CNTNAP2: variants seen among roughly 807,000 people sequenced by gnomAD.
The protein encoded by CNTNAP2 is contactin-associated protein-like 2.
CNTNAP2 carries 98 observed loss-of-function variants against 155.2 expected under a neutral mutation model. That is an observed-to-expected ratio of 0.63 (90% CI 0.54 to 0.75). The LOEUF is 0.75. Among genes scored for constraint, CNTNAP2 ranks in the 30% least tolerant of loss-of-function variants. CNTNAP2 has a pLI of 0.00. For synonymous variants in CNTNAP2, 651 were observed against 631.2 expected, an observed-to-expected ratio of 1.03 and a Z score of -0.47; for missense variants, 1,727 against 1,688.1, an observed-to-expected ratio of 1.02 and a Z score of -0.40.
At chr7:146,410,968 A>AT in intron 1 of CNTNAP2, among the ~76,000 whole-genome samples, 1 of 152,288 alleles carries the variant, frequency 6.6e-6, no homozygotes, top group East Asian at 1.9e-4. Context: ...GCTGAAGACT[A>AT]TTCCATGGTA....
chr7:148,312,910 A>G (rs1195374669), intron 21 of CNTNAP2, among the ~76,000 whole-genome samples: 5 of 143,084 alleles, frequency 3.5e-5, no homozygotes, highest in Non-Finnish European at 6.1e-5. Flanking sequence ...GTGGGGAGAT[A>G]CAAGTGGGGG....
At chr7:147,608,717 G>A (rs568081209) in intron 12 of CNTNAP2, among the ~76,000 whole-genome samples, 12 of 152,206 alleles carry the variant, frequency 7.9e-5, no homozygotes, top group South Asian at 4.1e-4. Flanking sequence ...ACTGTCACGC[G>A]TGTCTGTGTG....
chr7:146,548,999 T>C (rs116787190), intron 1 of CNTNAP2, among the ~76,000 whole-genome samples: 204 of 151,918 alleles, frequency 1.3e-3, no homozygotes, highest in African/African-American at 4.6e-3. Context: ...AGGTCTTAAT[T>C]TGGGACTTTA....
intron 3 of CNTNAP2, among the ~76,000 whole-genome samples, chr7:146,904,828 G>C (rs1459073151): frequency 6.6e-6 from 1 of 152,136 alleles, no homozygotes; most frequent in Non-Finnish European, 1.5e-5. Context: ...GAATCGTATT[G>C]TGCTGCTCAC....
intron 1 of CNTNAP2, among the ~76,000 whole-genome samples, chr7:146,627,774 G>T (rs867776286): frequency 2.6e-5 from 4 of 152,070 alleles, no homozygotes; most frequent in South Asian, 2.1e-4. Flanking sequence ...AGGTTTAAAA[G>T]ATCTAAAATA....
chr7:146,993,822 C>T (rs370518118), intron 3 of CNTNAP2, among the ~76,000 whole-genome samples: 11 of 152,186 alleles, frequency 7.2e-5, no homozygotes, highest in African/African-American at 2.2e-4. Context: ...CCACTACTGT[C>T]ATCTTGAGCA....
At chr7:148,213,446 T>C (rs1795582742) in intron 18 of CNTNAP2, among the ~76,000 whole-genome samples, 1 of 151,956 alleles carries the variant, frequency 6.6e-6, no homozygotes, top group African/African-American at 2.4e-5. Flanking sequence ...CCCAGACCCT[T>C]CCCTCCCTAG....
intron 12 of CNTNAP2, among the ~76,000 whole-genome samples, chr7:147,567,326 G>C (rs1563000831): frequency 6.6e-6 from 1 of 152,202 alleles, no homozygotes; most frequent in South Asian, 2.1e-4. Context: ...AAAATGCTTT[G>C]TGTAGGATGC....
intron 3 of CNTNAP2, among the ~76,000 whole-genome samples, chr7:146,992,574 T>C (rs1224053825): frequency 1.3e-5 from 2 of 152,104 alleles, no homozygotes; most frequent in Non-Finnish European, 2.9e-5. Flanking sequence ...GAGGCCAGGC[T>C]CCTGCCCCCT....
intron 3 of CNTNAP2, among the ~76,000 whole-genome samples, chr7:147,022,033 T>C (rs1307328398): frequency 3.3e-5 from 5 of 152,166 alleles, no homozygotes; most frequent in African/African-American, 1.2e-4. Context: ...TTTATATATA[T>C]GAAATATTCT....
At chr7:147,839,113 A>T (rs1299582258) in intron 13 of CNTNAP2, among the ~76,000 whole-genome samples, 1 of 152,116 alleles carries the variant, frequency 6.6e-6, no homozygotes. Context: ...TATAGACCAG[A>T]AGACTAAGCC....
intron 9 of CNTNAP2, among the ~76,000 whole-genome samples, chr7:147,345,613 C>G (rs1370325090): frequency 2.0e-5 from 3 of 152,136 alleles, no homozygotes; most frequent in Non-Finnish European, 2.9e-5. Context: ...AAACACTTGG[C>G]TAACATATGG....
At chr7:147,461,063 A>G (rs1050990795) in intron 10 of CNTNAP2, among the ~76,000 whole-genome samples, 1 of 152,222 alleles carries the variant, frequency 6.6e-6, no homozygotes, top group Non-Finnish European at 1.5e-5. Flanking sequence ...GGAAAATGTT[A>G]AAGACTCTCA....
At chr7:147,361,719 T>A (rs1468376317) in intron 9 of CNTNAP2, among the ~76,000 whole-genome samples, 1 of 152,188 alleles carries the variant, frequency 6.6e-6, no homozygotes, top group Non-Finnish European at 1.5e-5. Context: ...TGTCTGTTTT[T>A]TTTAACTGCC....
chr7:146,679,672 T>C (rs1020193142), intron 1 of CNTNAP2, among the ~76,000 whole-genome samples: 2 of 152,012 alleles, frequency 1.3e-5, no homozygotes, highest in Non-Finnish European at 2.9e-5. Flanking sequence ...TTTCTTTCTC[T>C]CCCTTCCTTC....
At chr7:147,773,818 C>CT (rs1161559346) in intron 13 of CNTNAP2, among the ~76,000 whole-genome samples, 2 of 152,130 alleles carry the variant, frequency 1.3e-5, no homozygotes, top group Non-Finnish European at 2.9e-5. Flanking sequence ...AATAGCTTCC[C>CT]ATTACACTCA....
At chr7:147,509,431 C>A (rs1016857949) in intron 11 of CNTNAP2, among the ~76,000 whole-genome samples, 2 of 152,118 alleles carry the variant, frequency 1.3e-5, no homozygotes, top group Non-Finnish European at 2.9e-5. Context: ...CTGACACTCC[C>A]GAAATTACTT....
chr7:146,846,498 T>A (rs1457764042), intron 3 of CNTNAP2, among the ~76,000 whole-genome samples: 3 of 152,188 alleles, frequency 2.0e-5, no homozygotes, highest in Non-Finnish European at 2.9e-5. Context: ...CTGGATAATA[T>A]TTTTAAAGTC....
intron 5 of CNTNAP2, among the ~76,000 whole-genome samples, chr7:147,118,641 C>G (rs563375665): frequency 1.3e-5 from 2 of 152,094 alleles, no homozygotes; most frequent in East Asian, 3.9e-4. Flanking sequence ...CACACCTAGG[C>G]TATATGGTAG....
Sources: allele counts gnomAD v4.1 joint callset (sites outside exome capture counted in the v4.1 genomes callset), GRCh38; gene constraint gnomAD v4.1.1; transcripts MANE v1.5; gene names NCBI Gene and HGNC (gene_info 2026-07-23, HGNC 2026-07-21).